RABGAP1: variants seen among roughly 807,000 people sequenced by gnomAD.
The protein encoded by RABGAP1 is RAB GTPase activating protein 1.
A neutral mutation model predicts 137.6 loss-of-function variants in RABGAP1; 23 were observed. That is an observed-to-expected ratio of 0.17 (90% CI 0.12 to 0.24). The LOEUF (loss-of-function observed/expected upper bound fraction) is 0.24. Ranked by LOEUF, RABGAP1 falls within the 10% of genes least tolerant of loss-of-function variation. The pLI is 1.00. For synonymous variants in RABGAP1, 451 were observed against 450.7 expected, an observed-to-expected ratio of 1.00 and a Z score of -0.01; for missense variants, 906 against 1,275.8, an observed-to-expected ratio of 0.71 and a Z score of 4.42.
chr9:123,096,060 A>G (rs904556756), intron 21 of RABGAP1, among the ~76,000 whole-genome samples: 4 of 152,236 alleles, frequency 2.6e-5, no homozygotes, highest in South Asian at 2.1e-4. Flanking sequence ...TACTGTGTCA[A>G]TTAGGCCAAA....
At chr9:123,096,862 A>G (rs1232006757) in intron 21 of RABGAP1, among the ~76,000 whole-genome samples, 1 of 152,112 alleles carries the variant, frequency 6.6e-6, no homozygotes, top group East Asian at 1.9e-4. Context: ...GAGCCACCGC[A>G]CCTGGCCCAG....
chr9:123,032,529 A>G (rs1160659554), intron 13 of RABGAP1, among the ~76,000 whole-genome samples: 1 of 152,218 alleles, frequency 6.6e-6, no homozygotes, highest in Non-Finnish European at 1.5e-5. Flanking sequence ...AATGTAATTC[A>G]TCGCATTCTG....
At chr9:122,949,230 C>T (rs962431029) in intron 1 of RABGAP1, among the ~76,000 whole-genome samples, 1 of 151,382 alleles carries the variant, frequency 6.6e-6, no homozygotes, top group African/African-American at 2.4e-5. Flanking sequence ...ACAAAAATTA[C>T]GGCTGGCTGC....
At chr9:123,060,023 A>T (rs2033905386) in intron 13 of RABGAP1, among the ~76,000 whole-genome samples, 1 of 152,222 alleles carries the variant, frequency 6.6e-6, no homozygotes, top group African/African-American at 2.4e-5. Flanking sequence ...CAGATCAGTG[A>T]TGATTCATGG....
chr9:122,983,897 C>G (rs1392071050), intron 2 of RABGAP1, among the ~76,000 whole-genome samples: 1 of 152,150 alleles, frequency 6.6e-6, no homozygotes. Flanking sequence ...AAATAGAGTG[C>G]TTTTATTTCT....
chr9:123,083,890 G>C (rs529021325), intron 19 of RABGAP1, among the ~76,000 whole-genome samples: 5 of 152,316 alleles, frequency 3.3e-5, no homozygotes, highest in Admixed American at 3.3e-4. Flanking sequence ...CAGGCATCCA[G>C]AGTACTTTCC....
At chr9:123,094,609 GTTTTA>G (rs1185914913) in intron 21 of RABGAP1, among the ~76,000 whole-genome samples, 1 of 152,076 alleles carries the variant, frequency 6.6e-6, no homozygotes, top group Non-Finnish European at 1.5e-5. Flanking sequence ...TTTGTCTGGA[GTTTTA>G]TTTAATGTTT....
At chr9:123,001,166 A>G (rs1837307288) in intron 10 of RABGAP1, among the ~76,000 whole-genome samples, 1 of 152,076 alleles carries the variant, frequency 6.6e-6, no homozygotes, top group Non-Finnish European at 1.5e-5. Flanking sequence ...TTATTTTTTT[A>G]ACCAGACTTT....
intron 13 of RABGAP1, among the ~76,000 whole-genome samples, chr9:123,025,611 T>G (rs2031918881): frequency 6.6e-6 from 1 of 151,516 alleles, no homozygotes; most frequent in Non-Finnish European, 1.5e-5. Flanking sequence ...GCTTTATTGT[T>G]AAATTGGTTC....
intron 12 of RABGAP1, among the ~76,000 whole-genome samples, chr9:123,019,541 C>T (rs1267155226): frequency 6.6e-6 from 1 of 152,110 alleles, no homozygotes; most frequent in Non-Finnish European, 1.5e-5. Flanking sequence ...TCCAGAACTC[C>T]TGGGTTCAAG....
intron 6 of RABGAP1, among the ~76,000 whole-genome samples, chr9:122,993,613 T>C (rs1366558060): frequency 6.6e-6 from 1 of 152,142 alleles, no homozygotes; most frequent in Non-Finnish European, 1.5e-5. Context: ...TTCTCCATTT[T>C]GCCCATGGGA....
chr9:123,100,130 A>G (rs2035297551), intron 24 of RABGAP1, among the ~76,000 whole-genome samples: 1 of 152,028 alleles, frequency 6.6e-6, no homozygotes, highest in Admixed American at 6.6e-5. Flanking sequence ...TAGAACTTTA[A>G]TTGTTTAATG....
the RABGAP1 span, among the ~76,000 whole-genome samples, chr9:122,932,059 G>A: frequency 6.6e-6 from 1 of 152,202 alleles, no homozygotes; most frequent in Admixed American, 6.5e-5. Context: ...AACCCAGGCA[G>A]CTACATGGAC....
chr9:123,052,501 A>G (rs2033527702), intron 13 of RABGAP1, among the ~76,000 whole-genome samples: 1 of 152,242 alleles, frequency 6.6e-6, no homozygotes. Flanking sequence ...TCGGGTGCCT[A>G]CTTTGTGTCA....
chr9:122,980,602 A>T (rs1001111866), intron 2 of RABGAP1, among the ~76,000 whole-genome samples: 1 of 152,214 alleles, frequency 6.6e-6, no homozygotes, highest in Non-Finnish European at 1.5e-5. Context: ...GGCTAAAATT[A>T]TGTTATATGG....
Position 122,941,042 on chromosome 9 carries a change from G to C in RABGAP1, c.-101G>C, listed in dbSNP as rs1319573488. On this transcript the variant is annotated 5_prime_UTR_variant, in exon 1 of 26. Coordinates refer to ENST00000373647, the MANE Select transcript of RABGAP1 (RefSeq NM_012197.4). ...GGCGGTTTGGGAGGCCCAGGCGGCG[G>C]AGCCTCCGGGACGGCGAGCGGCGGG... 6.5e-6 allele frequency: 1 copy of C among 152,910 alleles called. No individual in the cohort carries two copies. The highest frequency in any genetic ancestry group is 1.5e-5 in the Non-Finnish European group (1 of 68,698). The allele number at this position is 152,910 out of a possible 1,614,324, so 9.5% of individuals were successfully genotyped here. A position where few individuals can be genotyped will look rare whatever the true frequency, so the allele number is the denominator to read the frequency against.
chr9:123,035,566 GACCCTTAC>G (rs867191224), intron 13 of RABGAP1: 1 of 1,612,184 alleles, frequency 6.2e-7, no homozygotes, highest in African/African-American at 1.3e-5. Flanking sequence ...TACAGCCAAC[GACCCTTAC>G]ACAGTTAGAA....
intron 13 of RABGAP1, among the ~76,000 whole-genome samples, chr9:123,023,342 G>A (rs1442922028): frequency 2.6e-5 from 4 of 152,070 alleles, no homozygotes; most frequent in Non-Finnish European, 5.9e-5. Flanking sequence ...CACCAAGCCT[G>A]CCTAATTTTT....
chr9:122,993,435 C>T (rs1484528726), intron 6 of RABGAP1, among the ~76,000 whole-genome samples: 21 of 152,120 alleles, frequency 1.4e-4, no homozygotes, highest in Admixed American at 1.3e-3. Context: ...CCACGCCTGG[C>T]TACTTTTTGT....
Sources: gnomAD v4.1 joint callset for allele counts (sites outside exome capture counted in the v4.1 genomes callset) on GRCh38, gnomAD v4.1.1 for gene constraint, MANE v1.5 for transcripts, NCBI Gene and HGNC (gene_info 2026-07-23, HGNC 2026-07-21) for gene names.